The following TSHR variants were observed in gnomAD, a reference collection of about 807,000 sequenced individuals.
TSHR encodes thyrotropin receptor.
A neutral mutation model predicts 64.1 loss-of-function variants in TSHR; 51 were observed. The observed-to-expected ratio is 0.80, with a 90% CI of 0.64 to 1.01. The LOEUF (loss-of-function observed/expected upper bound fraction) is 1.01. TSHR is among the 50% of genes least tolerant of loss of function. The pLI is 0.00. For missense variants in TSHR, 877 were observed against 942.8 expected, an observed-to-expected ratio of 0.93 and a Z score of 0.91; for synonymous variants, 361 against 361.9, an observed-to-expected ratio of 1.00 and a Z score of 0.03.
intron 8 of TSHR, among the ~76,000 whole-genome samples, chr14:81,116,953 A>G (rs1414606535): frequency 2.2e-5 from 3 of 139,172 alleles, no homozygotes; most frequent in African/African-American, 5.8e-5. Flanking sequence ...AACGAAATGA[A>G]GGCAGAAATA....
At chr14:81,088,054 T>C in intron 4 of TSHR, 26 bp downstream of exon 4, 2 of 1,564,728 alleles carry the variant, frequency 1.3e-6, no homozygotes, top group Non-Finnish European at 1.8e-6. Flanking sequence ...TCTCCCATCC[T>C]ACTTTTCTGG....
rs1291263864 is a variant in TSHR at position 80,993,937 on chromosome 14, G to T, written c.170+38087G>T. On this transcript the variant is annotated intron_variant, in intron 1 of 9. Coordinates refer to ENST00000298171, the MANE Select transcript of TSHR (RefSeq NM_000369.5). ...AACTTCACAGGTCCACTTATATGAGGATTTTTTTTCAATAAAAGTAACACT... is the reference window on the plus strand; with the variant it reads ...AACTTCACAGGTCCACTTATATGAGTATTTTTTTTCAATAAAAGTAACACT... 2.0e-5 allele frequency: 3 copies of T among 152,124 alleles called. No homozygotes were observed. In the East Asian group the frequency reaches 5.8e-4, roughly 29 times the overall value. The allele number at this position is 152,124 out of a possible 1,614,324, so 9.4% of individuals were successfully genotyped here. A position where few individuals can be genotyped will look rare whatever the true frequency, so the allele number is the denominator to read the frequency against.
At chr14:81,128,821 T>C (rs1891120212) in intron 8 of TSHR, among the ~76,000 whole-genome samples, 1 of 152,174 alleles carries the variant, frequency 6.6e-6, no homozygotes, top group African/African-American at 2.4e-5. Context: ...CTTCCCTGAA[T>C]GCCCTATTTA....
chr14:80,968,372 T>A (rs1183591214), intron 1 of TSHR, among the ~76,000 whole-genome samples: 1 of 150,218 alleles, frequency 6.7e-6, no homozygotes, highest in East Asian at 1.9e-4. Context: ...GAATGAGATG[T>A]CCTTACTTTT....
chr14:81,033,530 A>T (rs984525252), intron 1 of TSHR: 1 of 152,016 alleles, frequency 6.6e-6, no homozygotes, highest in African/African-American at 2.4e-5. Flanking sequence ...AAAGTTTAGT[A>T]AAAATCAGTG....
At chr14:81,065,385 T>A (rs978075145) in intron 2 of TSHR, among the ~76,000 whole-genome samples, 1 of 152,218 alleles carries the variant, frequency 6.6e-6, no homozygotes, top group African/African-American at 2.4e-5. Flanking sequence ...CAAACATTTC[T>A]ATGACTTATC....
chr14:81,021,798 G>A (rs1262470044), intron 1 of TSHR, among the ~76,000 whole-genome samples: 1 of 152,128 alleles, frequency 6.6e-6, no homozygotes, highest in Non-Finnish European at 1.5e-5. Flanking sequence ...TCTGAGTCAT[G>A]ATAAAAAAGA....
At chr14:81,044,836 TGTG>T (rs1239278348) in intron 1 of TSHR, among the ~76,000 whole-genome samples, 1 of 152,142 alleles carries the variant, frequency 6.6e-6, no homozygotes, top group African/African-American at 2.4e-5. Flanking sequence ...TGGAAGACTG[TGTG>T]GTGATTCCTC....
chr14:81,041,265 A>C (rs1245788525), intron 1 of TSHR, among the ~76,000 whole-genome samples: 1 of 152,226 alleles, frequency 6.6e-6, no homozygotes, highest in Non-Finnish European at 1.5e-5. Flanking sequence ...ACATGGAATC[A>C]ACCTAAATGT....
chr14:81,056,632 A>G (rs1885822949), intron 1 of TSHR, among the ~76,000 whole-genome samples: 1 of 152,162 alleles, frequency 6.6e-6, no homozygotes, highest in African/African-American at 2.4e-5. Flanking sequence ...GTGAATAGAC[A>G]ACTCTCTCCC....
At chr14:81,112,183 A>G (rs1437433636) in intron 8 of TSHR, among the ~76,000 whole-genome samples, 2 of 152,194 alleles carry the variant, frequency 1.3e-5, no homozygotes, top group Admixed American at 1.3e-4. Flanking sequence ...CCCAAGTCTC[A>G]GTTTTCTCAT....
chr14:81,023,310 G>C (rs1883870877), intron 1 of TSHR, among the ~76,000 whole-genome samples: 1 of 151,810 alleles, frequency 6.6e-6, no homozygotes, highest in Admixed American at 6.6e-5. Context: ...TAAGGGGAAA[G>C]ACCCACCCCC....
chr14:81,033,370 C>G (rs1217089634), intron 1 of TSHR: 1 of 265,362 alleles, frequency 3.8e-6, no homozygotes, highest in African/African-American at 2.3e-5. Flanking sequence ...CAGGGGCCAT[C>G]CTGGCCACTT....
At chr14:81,135,285 T>C (rs1595167436) in intron 8 of TSHR, among the ~76,000 whole-genome samples, 1 of 152,194 alleles carries the variant, frequency 6.6e-6, no homozygotes, top group Non-Finnish European at 1.5e-5. Context: ...AATAGTCTCC[T>C]AAGAAGCTTG....
In TSHR at chr14:81,130,818, C is replaced by T. The variant is rs1190252904; in HGVS notation, c.693-8861C>T. Among the ~76,000 whole-genome samples, 15 of 107,390 alleles carry T rather than the reference C, an allele frequency of 1.4e-4. 3 individuals are homozygous for T. The highest frequency in any genetic ancestry group is 2.3e-4 in the Non-Finnish European group (13 of 57,754). 70.5% of individuals were successfully genotyped at this position (107,390 alleles called of 152,430 possible). On this transcript the variant is annotated intron_variant, in intron 8 of 9. Transcript: ENST00000298171. ...CATCCTGGCTAACAAGGTGAAACCC[C>T]GTCTCTACTAAAAATACAAAAAATT...
At chr14:81,129,124 G>T (rs1891132229) in intron 8 of TSHR, among the ~76,000 whole-genome samples, 1 of 151,980 alleles carries the variant, frequency 6.6e-6, no homozygotes, top group South Asian at 2.1e-4. Context: ...CAATAAGCCT[G>T]CCCTTCATTG....
chr14:81,015,712 G>T (rs947065953), intron 1 of TSHR, among the ~76,000 whole-genome samples: 7 of 151,968 alleles, frequency 4.6e-5, no homozygotes, highest in African/African-American at 7.2e-5. Context: ...TTGTACAATA[G>T]ATATCTTAAA....
At chr14:81,089,494 G>C (rs1228781110) in intron 4 of TSHR, among the ~76,000 whole-genome samples, 1 of 152,174 alleles carries the variant, frequency 6.6e-6, no homozygotes, top group Non-Finnish European at 1.5e-5. Flanking sequence ...GAACATACAG[G>C]TTTCTAAGAC....
At chr14:81,141,234 A>G (rs1891673543) in intron 9 of TSHR, among the ~76,000 whole-genome samples, 1 of 152,206 alleles carries the variant, frequency 6.6e-6, no homozygotes, top group Non-Finnish European at 1.5e-5. Context: ...TGGACTCTAC[A>G]CTGATGCCAT....
Sources: allele counts gnomAD v4.1 joint callset (sites outside exome capture counted in the v4.1 genomes callset), GRCh38; gene constraint gnomAD v4.1.1; transcripts MANE v1.5; gene names NCBI Gene and HGNC (gene_info 2026-07-23, HGNC 2026-07-21).